Variants in NHS observed in about 807,000 individuals in gnomAD.
The protein encoded by NHS is NHS actin remodeling regulator.
NHS carries 5 observed loss-of-function variants against 72.5 expected under a neutral mutation model. The observed-to-expected ratio is 0.07, with a 90% CI of 0.04 to 0.14. The LOEUF is 0.14. Among genes scored for constraint, NHS ranks in the 10% least tolerant of loss-of-function variants. NHS has a pLI of 1.00. For missense variants in NHS, 1,072 were observed against 1,355.7 expected, an observed-to-expected ratio of 0.79 and a Z score of 3.29; for synonymous variants, 464 against 547.7, an observed-to-expected ratio of 0.85 and a Z score of 2.13.
intron 3 of NHS, among the ~76,000 whole-genome samples, chrX:17,714,427 A>T (rs892958718): frequency 9.0e-6 from 1 of 111,513 alleles, no homozygotes; most frequent in African/African-American, 3.3e-5. Context: ...ATGATTCCAC[A>T]ATCAGGAGTC....
intron 1 of NHS, among the ~76,000 whole-genome samples, chrX:17,669,747 T>C (rs182702805): frequency 1.1e-3 from 128 of 111,739 alleles, no homozygotes; most frequent in Non-Finnish European, 2.2e-3. Flanking sequence ...CCTAACAACC[T>C]TGGAGTCCTC....
intron 1 of NHS, among the ~76,000 whole-genome samples, chrX:17,415,869 G>C (rs1601696202): frequency 9.0e-6 from 1 of 111,649 alleles, no homozygotes; most frequent in African/African-American, 3.3e-5. Flanking sequence ...TAGCATTTCT[G>C]TCTACTTTTG....
At chrX:17,609,710 A>G (rs1394784271) in intron 1 of NHS, among the ~76,000 whole-genome samples, 1 of 112,147 alleles carries the variant, frequency 8.9e-6, no homozygotes, top group Admixed American at 9.4e-5. Flanking sequence ...TGGAGAAATT[A>G]GCAAGGAGAC....
intron 1 of NHS, among the ~76,000 whole-genome samples, chrX:17,598,928 G>A (rs917891693): frequency 4.5e-5 from 5 of 110,890 alleles, no homozygotes; most frequent in Non-Finnish European, 3.8e-5. Flanking sequence ...CCCACCCCAA[G>A]GATAACCCGT....
intron 6 of NHS, 130 bp from the exon 7 acceptor site, chrX:17,725,217 A>G (rs2066433190): frequency 3.6e-6 from 2 of 554,190 alleles, no homozygotes; most frequent in African/African-American, 4.8e-5. Flanking sequence ...CTATATATTG[A>G]TTTTTTTTCT....
intron 4 of NHS, among the ~76,000 whole-genome samples, chrX:17,720,167 G>A (rs1418398079): frequency 9.0e-6 from 1 of 111,626 alleles, no homozygotes; most frequent in Non-Finnish European, 1.9e-5. Flanking sequence ...TTTTTCCCAA[G>A]GGGGGAGTCA....
chrX:17,564,850 G>A (rs926771165), intron 1 of NHS, among the ~76,000 whole-genome samples: 1 of 112,281 alleles, frequency 8.9e-6, no homozygotes, highest in Non-Finnish European at 1.9e-5. Context: ...ACTCTGTCCT[G>A]TCACATTTCA....
chrX:17,438,298 C>T (rs1185903079), intron 1 of NHS, among the ~76,000 whole-genome samples: 2 of 112,300 alleles, frequency 1.8e-5, no homozygotes, highest in Non-Finnish European at 3.8e-5. Flanking sequence ...TTTGGAATAA[C>T]CAGAAACTTC....
At chrX:17,417,091 T>TACAC (rs753132773) in intron 1 of NHS, among the ~76,000 whole-genome samples, 4,200 of 97,968 alleles carry the variant, frequency 0.043, 231 homozygotes, top group African/African-American at 0.14. Context: ...GAAAACAGAA[T>TACAC]ACACACACAC....
intron 1 of NHS, chrX:17,586,689 T>A (rs1284284438): frequency 8.9e-6 from 1 of 111,860 alleles, no homozygotes; most frequent in Non-Finnish European, 1.9e-5. Context: ...AGCCCTCTAA[T>A]CAACCCTGCC....
chrX:17,504,756 A>AT (rs372845487), intron 1 of NHS, among the ~76,000 whole-genome samples: 22 of 111,922 alleles, frequency 2.0e-4, no homozygotes, highest in African/African-American at 6.8e-4. Context: ...CTGATTTATT[A>AT]TTTTTACAAT....
intron 1 of NHS, among the ~76,000 whole-genome samples, chrX:17,547,065 A>G (rs1044273306): frequency 8.9e-6 from 1 of 112,257 alleles, no homozygotes; most frequent in South Asian, 3.7e-4. Flanking sequence ...CCCTTCAGGC[A>G]TTTGCTGCAG....
intron 1 of NHS, among the ~76,000 whole-genome samples, chrX:17,405,086 A>G (rs919186370): frequency 8.9e-6 from 1 of 112,039 alleles, no homozygotes; most frequent in Non-Finnish European, 1.9e-5. Flanking sequence ...TTATTCGGCA[A>G]TTAGGCCCCT....
At chrX:17,694,591 A>G (rs892654476) in intron 3 of NHS, among the ~76,000 whole-genome samples, 2 of 112,234 alleles carry the variant, frequency 1.8e-5, no homozygotes, top group Non-Finnish European at 3.8e-5. Context: ...TGGACCATGA[A>G]GCTAAACTGC....
intron 1 of NHS, among the ~76,000 whole-genome samples, chrX:17,656,312 G>A (rs2065955206): frequency 8.8e-6 from 1 of 113,538 alleles, no homozygotes; most frequent in South Asian, 3.5e-4. Context: ...TCGGCGTGGC[G>A]CCCCACCGCA....
chrX:17,487,179 A>G (rs927191409), intron 1 of NHS, among the ~76,000 whole-genome samples: 1 of 112,181 alleles, frequency 8.9e-6, no homozygotes, highest in Non-Finnish European at 1.9e-5. Flanking sequence ...GGCTATTTCC[A>G]TTTACTAAGC....
chrX:17,710,737 C>T (rs777801677), intron 3 of NHS, among the ~76,000 whole-genome samples: 1 of 110,582 alleles, frequency 9.0e-6, no homozygotes, highest in South Asian at 3.8e-4. Context: ...TATACATGTG[C>T]TAACATTAAT....
intron 1 of NHS, among the ~76,000 whole-genome samples, chrX:17,667,159 C>A (rs1189936085): frequency 8.9e-6 from 1 of 112,754 alleles, no homozygotes; most frequent in Non-Finnish European, 1.9e-5. Flanking sequence ...ACTCTCTGGC[C>A]TGCCTTTCAG....
intron 1 of NHS, among the ~76,000 whole-genome samples, chrX:17,632,387 T>A (rs1194157887): frequency 1.8e-5 from 2 of 110,636 alleles, no homozygotes; most frequent in Non-Finnish European, 3.8e-5. Context: ...ACAGTTTTTT[T>A]TTTTTAGAAA....
Sources: gnomAD v4.1 joint callset for allele counts (sites outside exome capture counted in the v4.1 genomes callset) on GRCh38, gnomAD v4.1.1 for gene constraint, MANE v1.5 for transcripts, NCBI Gene and HGNC (gene_info 2026-07-23, HGNC 2026-07-21) for gene names.